Variants in ARHGAP18 observed in about 807,000 individuals in gnomAD.
ARHGAP18 encodes the protein Rho GTPase activating protein 18, also known as rho GTPase-activating protein 18.
A neutral mutation model predicts 86.2 loss-of-function variants in ARHGAP18; 67 were observed. The ratio of observed to expected loss-of-function variants is 0.78; its 90% CI spans 0.64 to 0.95. The LOEUF (loss-of-function observed/expected upper bound fraction) is 0.95. ARHGAP18 is among the 40% of genes least tolerant of loss of function. The pLI is 0.00. For synonymous variants in ARHGAP18, 283 were observed against 280.4 expected (o/e 1.01, Z -0.09); for missense variants, 691 against 780.4 (o/e 0.89, Z 1.37).
At chr6:129,621,280 G>C (rs1789223189) in intron 5 of ARHGAP18, among the ~76,000 whole-genome samples, 1 of 152,154 alleles carries the variant, frequency 6.6e-6, no homozygotes, top group Non-Finnish European at 1.5e-5. Flanking sequence ...TTTAGTAAGT[G>C]AGAAACTAAT....
intron 6 of ARHGAP18, 50 bp downstream of exon 6, chr6:129,618,637 A>AT: frequency 1.3e-6 from 2 of 1,519,744 alleles, no homozygotes; most frequent in Non-Finnish European, 1.8e-6. Flanking sequence ...AGCCAAGTCC[A>AT]TCCTTGCTAT....
chr6:129,651,824 G>A (rs953455021), intron 1 of ARHGAP18, among the ~76,000 whole-genome samples: 1 of 152,162 alleles, frequency 6.6e-6, no homozygotes, highest in Non-Finnish European at 1.5e-5. Context: ...TGGCCTAAAT[G>A]CTACTTATTC....
At chr6:129,673,456 G>GT (rs1258868659) in intron 1 of ARHGAP18, among the ~76,000 whole-genome samples, 2 of 151,940 alleles carry the variant, frequency 1.3e-5, no homozygotes, top group Non-Finnish European at 2.9e-5. Context: ...TTTTAAAAGT[G>GT]TTTTTTCTCT....
chr6:129,584,203 T>C, intron 12 of ARHGAP18, 91 bp from the exon 13 acceptor site: 4 of 1,504,172 alleles, frequency 2.7e-6, no homozygotes, highest in South Asian at 1.3e-5. Flanking sequence ...GCTTAACTAC[T>C]ACGCATTTTA....
At chr6:129,584,185 G>T in intron 12 of ARHGAP18, 73 bp from the exon 13 acceptor site, 3 of 1,574,994 alleles carry the variant, frequency 1.9e-6, no homozygotes, top group Admixed American at 1.8e-5. Context: ...GCATTATATA[G>T]TAAGTGTGCT....
At chr6:129,675,250 G>A (rs1199807711) in intron 1 of ARHGAP18, among the ~76,000 whole-genome samples, 2 of 152,042 alleles carry the variant, frequency 1.3e-5, no homozygotes, top group African/African-American at 4.8e-5. Context: ...CCTCACCTGG[G>A]AGTCTCTAAT....
intron 1 of ARHGAP18, among the ~76,000 whole-genome samples, chr6:129,685,749 GC>G (rs1454437101): frequency 3.5e-5 from 5 of 144,336 alleles, no homozygotes; most frequent in Non-Finnish European, 6.3e-5. Context: ...ATACAAGGCA[GC>G]TTTTTTTTTT....
At chr6:129,592,278 C>T (rs1171620058) in intron 12 of ARHGAP18, among the ~76,000 whole-genome samples, 5 of 152,184 alleles carry the variant, frequency 3.3e-5, no homozygotes, top group African/African-American at 1.2e-4. Context: ...CAATGCTTTG[C>T]AGCAAGAACT....
At chr6:129,592,727 A>G (rs1788542322) in intron 12 of ARHGAP18, among the ~76,000 whole-genome samples, 1 of 152,202 alleles carries the variant, frequency 6.6e-6, no homozygotes, top group Non-Finnish European at 1.5e-5. Flanking sequence ...CAGAAGAAAC[A>G]TCATACAAAC....
At position 129,654,753 on chromosome 6, in the gene ARHGAP18, C is replaced by T. The variant is rs572346643; in HGVS notation, c.114-12735G>A. Among the ~76,000 whole-genome samples the T allele has an allele frequency of 7.9e-5, 12 of 152,304 alleles. No individual in the cohort carries two copies. The South Asian group carries it at 8.3e-4, about 11-fold the overall frequency. On this transcript the variant is annotated intron_variant, in intron 1 of 14. Coordinates refer to ENST00000368149, the MANE Select transcript of ARHGAP18 (RefSeq NM_033515.3). Reference sequence around the variant, plus strand: ...TCTGGTTCTCCTCTACTTTTCCCATCGCTACACACCTGGATCCTCCTCTCT... The same window carrying T: ...TCTGGTTCTCCTCTACTTTTCCCATTGCTACACACCTGGATCCTCCTCTCT...
chr6:129,702,167 T>C (rs765182354), intron 1 of ARHGAP18, among the ~76,000 whole-genome samples: 2 of 152,200 alleles, frequency 1.3e-5, no homozygotes, highest in African/African-American at 4.8e-5. Flanking sequence ...CTTAGTGGAC[T>C]TAAGTATGGA....
intron 12 of ARHGAP18, among the ~76,000 whole-genome samples, chr6:129,589,092 G>T (rs1313432875): frequency 1.3e-5 from 2 of 152,162 alleles, no homozygotes; most frequent in Non-Finnish European, 2.9e-5. Flanking sequence ...TGCCTTGAAG[G>T]TCTCTGACAT....
intron 1 of ARHGAP18, among the ~76,000 whole-genome samples, chr6:129,644,218 C>T (rs1343640271): frequency 2.6e-5 from 4 of 152,066 alleles, no homozygotes; most frequent in Non-Finnish European, 5.9e-5. Context: ...GGGGTACTTC[C>T]TCCTTCCCTG....
intron 7 of ARHGAP18, among the ~76,000 whole-genome samples, chr6:129,612,932 T>G (rs1395795581): frequency 6.6e-6 from 1 of 152,124 alleles, no homozygotes; most frequent in Non-Finnish European, 1.5e-5. Flanking sequence ...TACAGGATTT[T>G]TAAAAATTCA....
At chr6:129,706,268 G>A (rs1272712922) in intron 1 of ARHGAP18, among the ~76,000 whole-genome samples, 1 of 152,136 alleles carries the variant, frequency 6.6e-6, no homozygotes, top group Non-Finnish European at 1.5e-5. Flanking sequence ...TGAAAAACAA[G>A]TAAACAAAGT....
At chr6:129,607,690 C>T (rs553143067) in intron 9 of ARHGAP18, among the ~76,000 whole-genome samples, 18 of 152,286 alleles carry the variant, frequency 1.2e-4, no homozygotes, top group African/African-American at 4.3e-4. Flanking sequence ...AGAGAACATT[C>T]TGTTATCTGT....
chr6:129,694,021 T>C (rs1468470743), intron 1 of ARHGAP18, among the ~76,000 whole-genome samples: 1 of 152,150 alleles, frequency 6.6e-6, no homozygotes, highest in African/African-American at 2.4e-5. Flanking sequence ...TCTTGGCGCC[T>C]GAAAGCAGTT....
intron 10 of ARHGAP18, 121 bp downstream of exon 10, chr6:129,605,756 T>G (rs1043800337): frequency 1.1e-6 from 1 of 883,282 alleles, no homozygotes; most frequent in African/African-American, 1.7e-5. Flanking sequence ...AAAAGTAGGC[T>G]TTTTCTTTAT....
chr6:129,619,921 T>C (rs1185670747), intron 5 of ARHGAP18, among the ~76,000 whole-genome samples: 2 of 150,774 alleles, frequency 1.3e-5, no homozygotes, highest in Non-Finnish European at 3.0e-5. Flanking sequence ...TGGCTTAACC[T>C]TTACTTCTGT....
Sources: gnomAD v4.1 joint callset for allele counts (sites outside exome capture counted in the v4.1 genomes callset) on GRCh38, gnomAD v4.1.1 for gene constraint, MANE v1.5 for transcripts, NCBI Gene and HGNC (gene_info 2026-07-23, HGNC 2026-07-21) for gene names.